Variants in AKAP13 observed in about 807,000 individuals in gnomAD.
AKAP13 encodes A-kinase anchoring protein 13, also known as A-kinase anchor protein 13.
AKAP13 carries 80 observed loss-of-function variants against 264.5 expected under a neutral mutation model. The ratio of observed to expected loss-of-function variants is 0.30; its 90% CI spans 0.25 to 0.36. The LOEUF is 0.36. AKAP13 is among the 10% of genes least tolerant of loss of function. The probability of loss-of-function intolerance (pLI) is 1.00; values close to 1 mark genes in which losing one functional copy is unlikely to be tolerated. For missense variants in AKAP13, 3,712 were observed against 3,435.2 expected (o/e 1.08, Z -2.01); for synonymous variants, 1,380 against 1,250.2 (o/e 1.10, Z -2.19).
chr15:85,713,618 G>A lies in AKAP13; in HGVS notation c.5600-2170G>A, dbSNP rs72748196. On this transcript the variant is annotated intron_variant, in intron 19 of 36. Transcript: ENST00000394518. ...TAGGGCCACATCCCATAATCCTTGT[G>A]TACTTTCTGCAGCTAGAATCTGGTC... Among the ~76,000 whole-genome samples the A allele has an allele frequency of 6.5e-3, 985 of 152,264 alleles. 5 individuals carry two copies. Among genetic ancestry groups the A allele is most frequent in the Non-Finnish European group, 0.011 (777 of 68,024 alleles).
intron 5 of AKAP13, 154 bp downstream of exon 5, chr15:85,544,109 C>T (rs2077655214): frequency 6.9e-6 from 6 of 869,394 alleles, no homozygotes; most frequent in Non-Finnish European, 5.6e-6. Flanking sequence ...TGTAAGCTTG[C>T]TCCTGCTAAC....
intron 2 of AKAP13, among the ~76,000 whole-genome samples, chr15:85,498,744 C>G (rs2075960158): frequency 6.6e-6 from 1 of 152,140 alleles, no homozygotes; most frequent in African/African-American, 2.4e-5. Flanking sequence ...GGAATGACTG[C>G]CATCTGGACT....
At chr15:85,714,653 G>C (rs188309852) in intron 19 of AKAP13, among the ~76,000 whole-genome samples, 1 of 152,270 alleles carries the variant, frequency 6.6e-6, no homozygotes, top group African/African-American at 2.4e-5. Context: ...TATCTCTCAG[G>C]TTCCTTTTAC....
chr15:85,556,762 G>A, intron 5 of AKAP13, among the ~76,000 whole-genome samples: 1 of 152,174 alleles, frequency 6.6e-6, no homozygotes, highest in Non-Finnish European at 1.5e-5. Flanking sequence ...TGATGTTCTT[G>A]TTCCCTAACT....
chr15:85,709,067 A>G (rs2086480148), intron 18 of AKAP13, among the ~76,000 whole-genome samples: 3 of 152,192 alleles, frequency 2.0e-5, no homozygotes, highest in South Asian at 2.1e-4. Flanking sequence ...CTATGGACAC[A>G]TATTTTGTTT....
Position 85,470,276 on chromosome 15 carries a change from C to T in AKAP13, c.-11-15434C>T, listed in dbSNP as rs540642174. ...TGCACTCCAGCCTGGGTGACAAGAG[C>T]GAAACTCTGTCTCAAAAAACCAAAC... On this transcript the variant is annotated intron_variant, in intron 1 of 36. Coordinates refer to ENST00000394518, the MANE Select transcript of AKAP13 (RefSeq NM_007200.5). Among the ~76,000 whole-genome samples the T allele has an allele frequency of 3.3e-5, 5 of 152,160 alleles. No homozygotes were observed. The East Asian group carries it at 5.8e-4, about 18-fold the overall frequency.
intron 1 of AKAP13, among the ~76,000 whole-genome samples, chr15:85,425,363 C>G (rs1216163905): frequency 1.3e-5 from 2 of 152,016 alleles, no homozygotes; most frequent in Non-Finnish European, 2.9e-5. Flanking sequence ...CCTTTTGGTT[C>G]TTGGAAAACA....
chr15:85,486,750 T>TTTG (rs1297814986), intron 2 of AKAP13, among the ~76,000 whole-genome samples: 1 of 146,638 alleles, frequency 6.8e-6, no homozygotes, highest in Non-Finnish European at 1.5e-5. Flanking sequence ...TTTTTTTTTT[T>TTTG]TTTTTTTGGA....
chr15:85,631,502 TCACACA>T lies in AKAP13; in HGVS notation c.4162-7826_4162-7821del, dbSNP rs55928032. On this transcript the variant is annotated intron_variant, in intron 8 of 36. Transcript: ENST00000394518. ...CACACTTTCTCTCTCTCTCTCTCTC[TCACACA>T]CACACACACACACACACACACACAC... 9.4e-3 allele frequency among the ~76,000 whole-genome samples: 1,322 copies of T among 140,894 alleles called. 10 individuals carry two copies. Among genetic ancestry groups the T allele is most frequent in the Non-Finnish European group, 0.014 (911 of 64,768 alleles). The allele number at this position is 140,894 out of a possible 152,430, so 92.4% of individuals were successfully genotyped here.
intron 2 of AKAP13, among the ~76,000 whole-genome samples, chr15:85,489,188 A>G (rs967724397): frequency 6.6e-6 from 1 of 152,236 alleles, no homozygotes. Flanking sequence ...TTCTGGACTT[A>G]AGTCATAGAA....
intron 5 of AKAP13, 57 bp from the exon 6 acceptor site, chr15:85,575,074 A>T: frequency 2.6e-6 from 4 of 1,545,510 alleles, no homozygotes; most frequent in Non-Finnish European, 2.7e-6. Context: ...TTAGAACGTT[A>T]AGCCTATGCC....
intron 2 of AKAP13, among the ~76,000 whole-genome samples, chr15:85,514,392 C>CT (rs1448106006): frequency 7.2e-6 from 1 of 138,348 alleles, no homozygotes. Flanking sequence ...CCACTTGAGT[C>CT]TGGCTTCTGT....
chr15:85,687,612 C>A (rs1234504720), intron 16 of AKAP13, among the ~76,000 whole-genome samples: 1 of 152,132 alleles, frequency 6.6e-6, no homozygotes, highest in Non-Finnish European at 1.5e-5. Flanking sequence ...GAATTGTAGT[C>A]CATTTCCCAT....
At chr15:85,655,902 A>T (rs1407419972) in intron 11 of AKAP13, 115 bp downstream of exon 11, 8 of 1,429,732 alleles carry the variant, frequency 5.6e-6, no homozygotes, top group Non-Finnish European at 7.3e-6. Context: ...TAGAAGAAAG[A>T]ATATAGGCTT....
chr15:85,739,267 T>G (rs577520834), intron 33 of AKAP13, among the ~76,000 whole-genome samples: 1 of 152,384 alleles, frequency 6.6e-6, no homozygotes, highest in African/African-American at 2.4e-5. Flanking sequence ...AATGCTCATT[T>G]TCATCTTTTA....
At chr15:85,420,856 G>A (rs1294992309) in intron 1 of AKAP13, among the ~76,000 whole-genome samples, 1 of 152,146 alleles carries the variant, frequency 6.6e-6, no homozygotes, top group African/African-American at 2.4e-5. Context: ...GGCTGAAGTA[G>A]GAGGATTGCT....
At chr15:85,445,736 C>T (rs2073875615) in intron 1 of AKAP13, among the ~76,000 whole-genome samples, 1 of 152,010 alleles carries the variant, frequency 6.6e-6, no homozygotes, top group East Asian at 1.9e-4. Flanking sequence ...AATTAAGGCA[C>T]AAACAGAGAG....
intron 5 of AKAP13, chr15:85,555,513 A>G: frequency 8.1e-7 from 1 of 1,230,860 alleles, no homozygotes; most frequent in Non-Finnish European, 1.1e-6. Context: ...CTTCCAGACC[A>G]ATGCTTTGTT....
chr15:85,741,993 C>T (rs896896859), intron 35 of AKAP13, among the ~76,000 whole-genome samples: 1 of 151,938 alleles, frequency 6.6e-6, no homozygotes, highest in African/African-American at 2.4e-5. Context: ...TGCAGCGAGC[C>T]GAGATCTCGC....
Sources: allele counts gnomAD v4.1 joint callset (sites outside exome capture counted in the v4.1 genomes callset), GRCh38; gene constraint gnomAD v4.1.1; transcripts MANE v1.5; gene names NCBI Gene and HGNC (gene_info 2026-07-23, HGNC 2026-07-21).